GALNT13: variants seen among roughly 807,000 people sequenced by gnomAD.
GALNT13 encodes UDP-GalNAc:polypeptide N-acetylgalactosaminyltransferase 13.
A neutral mutation model predicts 64.2 loss-of-function variants in GALNT13; 28 were observed. The observed-to-expected ratio is 0.44, with a 90% CI of 0.32 to 0.60. GALNT13 has a LOEUF of 0.60. Among genes scored for constraint, GALNT13 ranks in the 20% least tolerant of loss-of-function variants. The pLI is 0.05. For missense variants in GALNT13, 577 were observed against 669.8 expected, an observed-to-expected ratio of 0.86 and a Z score of 1.53; for synonymous variants, 214 against 224.6, an observed-to-expected ratio of 0.95 and a Z score of 0.42.
At chr2:153,123,804 A>G in the GALNT13 span, among the ~76,000 whole-genome samples, 1 of 152,164 alleles carries the variant, frequency 6.6e-6, no homozygotes, top group Non-Finnish European at 1.5e-5. Flanking sequence ...TTTTTTCCAG[A>G]AAAAGATTGT....
At chr2:153,419,489 C>G in the GALNT13 span, among the ~76,000 whole-genome samples, 2 of 151,994 alleles carry the variant, frequency 1.3e-5, no homozygotes, top group Non-Finnish European at 2.9e-5. Context: ...CAAAAAATGG[C>G]AAAATGATAG....
chr2:153,657,801 A>T, the GALNT13 span, among the ~76,000 whole-genome samples: 1 of 152,170 alleles, frequency 6.6e-6, no homozygotes, highest in East Asian at 1.9e-4. Context: ...GGCAGATTTC[A>T]CTATAATATA....
intron 3 of GALNT13, among the ~76,000 whole-genome samples, chr2:154,123,743 C>T (rs187260132): frequency 6.6e-6 from 1 of 151,976 alleles, no homozygotes; most frequent in Admixed American, 6.6e-5. Context: ...TCTTAAAAAA[C>T]ACTATGCTGA....
rs981717713 is a variant in GALNT13, at chr2:153,944,420, A to G, written c.-78A>G. 26 of 1,303,258 alleles carry G rather than the reference A, an allele frequency of 2.0e-5. No homozygotes were observed. The highest frequency in any genetic ancestry group is 1.5e-5 in the African/African-American group (1 of 67,392). 80.7% of individuals were successfully genotyped at this position (1,303,258 alleles called of 1,614,324 possible). On this transcript the variant is annotated 5_prime_UTR_variant, in exon 3 of 13. Transcript: ENST00000392825. ...GGAATGTATCCTGCTTTCATCTTGG[A>G]GTTCACCTGTGTGGCTTGGATTTAT... is the stretch of plus-strand genomic sequence containing the variant.
At chr2:153,316,061 G>A in the GALNT13 span, among the ~76,000 whole-genome samples, 1 of 151,046 alleles carries the variant, frequency 6.6e-6, no homozygotes, top group African/African-American at 2.4e-5. Flanking sequence ...TAGTAATCAG[G>A]GATATACAAA....
chr2:153,789,808 A>G, the GALNT13 span, among the ~76,000 whole-genome samples: 2 of 152,292 alleles, frequency 1.3e-5, no homozygotes, highest in South Asian at 2.1e-4. Flanking sequence ...GAACACCTCT[A>G]TGCACACAAA....
chr2:153,521,934 A>G, the GALNT13 span, among the ~76,000 whole-genome samples: 1 of 152,130 alleles, frequency 6.6e-6, no homozygotes, highest in Non-Finnish European at 1.5e-5. Flanking sequence ...CAGTTTGACC[A>G]TTTGCCAACT....
At chr2:153,408,479 C>T in the GALNT13 span, among the ~76,000 whole-genome samples, 3 of 151,998 alleles carry the variant, frequency 2.0e-5, no homozygotes, top group African/African-American at 7.3e-5. Flanking sequence ...AAATAAATAG[C>T]AAAAATAGTC....
At position 154,452,307 on chromosome 2, in the gene GALNT13, G is replaced by C. The variant is rs759924373; in HGVS notation, c.*1756G>C. The C allele has an allele frequency of 6.6e-6, 1 of 152,028 alleles. No individual in the cohort carries two copies. 9.4% of individuals were successfully genotyped at this position (152,028 alleles called of 1,614,324 possible). On this transcript the variant is annotated 3_prime_UTR_variant, in exon 13 of 13. Coordinates refer to ENST00000392825, the MANE Select transcript of GALNT13 (RefSeq NM_052917.4). The stretch of plus-strand genomic sequence containing the variant: ...TTGGAAAGAAGGCTATGACTCCCAA[G>C]AGGCAGTGAACCATTGCCTTAAATT...
At chr2:153,217,667 CGTTA>C in the GALNT13 span, among the ~76,000 whole-genome samples, 224 of 129,384 alleles carry the variant, frequency 1.7e-3, no homozygotes, top group African/African-American at 6.4e-3. Context: ...CTAGCATTTC[CGTTA>C]ATTATTTCTT....
the GALNT13 span, among the ~76,000 whole-genome samples, chr2:153,775,249 C>T: frequency 6.6e-6 from 1 of 152,124 alleles, no homozygotes; most frequent in South Asian, 2.1e-4. Context: ...CAAATGCTTT[C>T]ACTTTCTAAA....
At chr2:153,672,044 T>G in the GALNT13 span, among the ~76,000 whole-genome samples, 2 of 152,144 alleles carry the variant, frequency 1.3e-5, no homozygotes, top group South Asian at 4.2e-4. Context: ...GCACCCAGAT[T>G]CATAAAGCAA....
At chr2:153,367,116 T>A in the GALNT13 span, among the ~76,000 whole-genome samples, 11 of 151,618 alleles carry the variant, frequency 7.3e-5, no homozygotes, top group African/African-American at 2.7e-4. Context: ...TGAATCTACA[T>A]AAAGAAATGA....
the GALNT13 span, among the ~76,000 whole-genome samples, chr2:153,187,748 A>T: frequency 6.6e-6 from 1 of 152,194 alleles, no homozygotes; most frequent in Non-Finnish European, 1.5e-5. Context: ...CCTTTATCGG[A>T]CAGAATAGCT....
the GALNT13 span, among the ~76,000 whole-genome samples, chr2:153,391,311 C>T: frequency 6.6e-6 from 1 of 151,946 alleles, no homozygotes; most frequent in South Asian, 2.1e-4. Context: ...GGAGCAACTG[C>T]AGGAATCTAG....
At chr2:153,396,274 T>A in the GALNT13 span, among the ~76,000 whole-genome samples, 1 of 152,128 alleles carries the variant, frequency 6.6e-6, no homozygotes, top group South Asian at 2.1e-4. Flanking sequence ...GAGACAAAAA[T>A]TTTTGCCCAA....
chr2:154,301,179 A>G (rs181513572), intron 8 of GALNT13, among the ~76,000 whole-genome samples: 2 of 152,340 alleles, frequency 1.3e-5, no homozygotes, highest in East Asian at 3.9e-4. Flanking sequence ...ATAAAGAGAC[A>G]TACATTAAAT....
the GALNT13 span, among the ~76,000 whole-genome samples, chr2:153,245,678 A>C: frequency 6.6e-6 from 1 of 152,212 alleles, no homozygotes; most frequent in Non-Finnish European, 1.5e-5. Context: ...GGATAAATCC[A>C]TGAAGATGAG....
At chr2:153,197,914 G>A in the GALNT13 span, among the ~76,000 whole-genome samples, 1 of 152,172 alleles carries the variant, frequency 6.6e-6, no homozygotes, top group African/African-American at 2.4e-5. Flanking sequence ...CCCCAGGCAG[G>A]GGGGTTTCAG....
Sources: allele counts gnomAD v4.1 joint callset (sites outside exome capture counted in the v4.1 genomes callset), GRCh38; gene constraint gnomAD v4.1.1; transcripts MANE v1.5; gene names NCBI Gene and HGNC (gene_info 2026-07-23, HGNC 2026-07-21).